The following PIK3CD variants were observed in gnomAD, a reference collection of about 807,000 sequenced individuals.
The protein encoded by PIK3CD is phosphatidylinositol 4,5-bisphosphate 3-kinase catalytic subunit delta isoform.
PIK3CD carries 20 observed loss-of-function variants against 122.9 expected under a neutral mutation model. The observed-to-expected ratio is 0.16, with a 90% CI of 0.11 to 0.24. PIK3CD has a LOEUF of 0.24. PIK3CD is among the 10% of genes least tolerant of loss of function. The probability of loss-of-function intolerance (pLI) is 1.00; values close to 1 mark genes in which losing one functional copy is unlikely to be tolerated. For missense variants in PIK3CD, 787 were observed against 1,406.3 expected, an observed-to-expected ratio of 0.56 and a Z score of 7.04; for synonymous variants, 596 against 593.4, an observed-to-expected ratio of 1.00 and a Z score of -0.06.
At chr1:9,648,676 A>T (rs1350477360), upstream of PIK3CD, among the ~76,000 whole-genome samples, 2 of 137,434 alleles carry the variant, frequency 1.5e-5, no homozygotes, top group Non-Finnish European at 1.5e-5. Flanking sequence ...CAGACACTCC[A>T]CTAGAAAGGA....
At chr1:9,716,209 G>T in intron 5 of PIK3CD, 131 bp downstream of exon 5, 1 of 902,878 alleles carries the variant, frequency 1.1e-6, no homozygotes. Flanking sequence ...AGGTGTCTGT[G>T]CATGTGTGGG....
At chr1:9,638,078 G>A in the PIK3CD span, among the ~76,000 whole-genome samples, 3 of 152,140 alleles carry the variant, frequency 2.0e-5, no homozygotes, top group South Asian at 6.2e-4. Flanking sequence ...TTGTACTCCA[G>A]CCTGGGCAAC....
chr1:9,666,647 A>G (rs12039250), intron 1 of PIK3CD, among the ~76,000 whole-genome samples: 52,424 of 151,858 alleles, frequency 0.35, 14,013 homozygotes, highest in African/African-American at 0.7. Flanking sequence ...TTCGAGACCA[A>G]CCTGGGCAAC....
rs1375798266 is a variant in PIK3CD at position 9,719,644 on chromosome 1, G to A, written c.1243-277G>A. On this transcript the variant is annotated intron_variant, in intron 9 of 23. Coordinates refer to ENST00000377346, the MANE Select transcript of PIK3CD (RefSeq NM_005026.5). The surrounding 1 kb of genome is among the most constrained non-coding windows in gnomAD (Gnocchi z 5.5). ...CCACTGCACTCCAGCCTGGGTGACA[G>A]AGCAAGACTCCGTCTCAAAAAAAAA... 6.7e-6 allele frequency among the ~76,000 whole-genome samples: 1 copy of A among 148,562 alleles called. No individual in the cohort carries two copies.
At chr1:9,714,049 A>C (rs1458582843) in intron 3 of PIK3CD, among the ~76,000 whole-genome samples, 2 of 151,814 alleles carry the variant, frequency 1.3e-5, no homozygotes, top group African/African-American at 4.8e-5. Context: ...ATGGAGTCTT[A>C]TTATGTTGCC....
chr1:9,645,025 C>CTTTT, the PIK3CD span, among the ~76,000 whole-genome samples: 8 of 81,802 alleles, frequency 9.8e-5, no homozygotes, highest in Non-Finnish European at 1.5e-4. Flanking sequence ...CTTTTCTTTT[C>CTTTT]TTTTTTTTTT....
intron 1 of PIK3CD, among the ~76,000 whole-genome samples, chr1:9,682,083 T>C (rs532239579): frequency 2.5e-4 from 38 of 151,760 alleles, no homozygotes; most frequent in African/African-American, 9.2e-4. Context: ...CCACCACGCC[T>C]GGCTAATTTT....
the PIK3CD span, among the ~76,000 whole-genome samples, chr1:9,644,066 C>T: frequency 6.6e-6 from 1 of 152,218 alleles, no homozygotes; most frequent in Admixed American, 6.5e-5. Context: ...CTGTGATAAC[C>T]CTTCTTATGG....
At chr1:9,708,673 C>A (rs1646937127) in intron 2 of PIK3CD, among the ~76,000 whole-genome samples, 1 of 151,718 alleles carries the variant, frequency 6.6e-6, no homozygotes, top group Non-Finnish European at 1.5e-5. Context: ...CATGGTGAAA[C>A]CCCCATCTCT....
In PIK3CD at chr1:9,723,442, TG is replaced by T; in HGVS notation, c.2594+154del. On this transcript the variant is annotated intron_variant, in intron 20 of 23. Transcript: ENST00000377346. This position sits in a 1 kb window ranked among gnomAD's most constrained non-coding sequence, Gnocchi z 4.9. The stretch of plus-strand genomic sequence containing the variant: ...GTTGAGGACCAGCCTGTGTCTGGGT[TG>T]GGGTGAGGTAGGTCTCTCTTCCCCA... The T allele has an allele frequency of 1.2e-6, 1 of 804,976 alleles. No individual in the cohort carries two copies. The highest frequency in any genetic ancestry group is 2.2e-6 in the Non-Finnish European group (1 of 464,710). 49.9% of individuals were successfully genotyped at this position (804,976 alleles called of 1,614,324 possible).
At chr1:9,673,187 C>G (rs893792764) in intron 1 of PIK3CD, among the ~76,000 whole-genome samples, 1 of 151,708 alleles carries the variant, frequency 6.6e-6, no homozygotes, top group African/African-American at 2.4e-5. Context: ...CAGCCTTGAC[C>G]TCCTGGGCTT....
chr1:9,726,057 C>CA (rs1348620086), intron 23 of PIK3CD, among the ~76,000 whole-genome samples: 1 of 149,632 alleles, frequency 6.7e-6, no homozygotes, highest in Non-Finnish European at 1.5e-5. Context: ...ACTTAAAATA[C>CA]AAAAAATCAG....
At chr1:9,702,552 C>CTTTTTTTT (rs1557643688) in intron 2 of PIK3CD, among the ~76,000 whole-genome samples, 1 of 57,456 alleles carries the variant, frequency 1.7e-5, no homozygotes, top group African/African-American at 5.7e-5. Flanking sequence ...CAGAGTTTTG[C>CTTTTTTTT]TCTTGCTGCC....
the PIK3CD span, among the ~76,000 whole-genome samples, chr1:9,639,187 T>A: frequency 6.6e-6 from 1 of 152,286 alleles, no homozygotes; most frequent in South Asian, 2.1e-4. Flanking sequence ...TTCATCCTTG[T>A]CTTTCTGTCC....
Position 9,727,224 on chromosome 1 carries a change from A to C in PIK3CD, c.*178A>C, listed in dbSNP as rs1649795604. 1 of 753,706 alleles carries C rather than the reference A, an allele frequency of 1.3e-6. No individual in the cohort carries two copies. The highest frequency in any genetic ancestry group is 2.2e-6 in the Non-Finnish European group (1 of 457,532). The allele number at this position is 753,706 out of a possible 1,614,324, so 46.7% of individuals were successfully genotyped here. On this transcript the variant is annotated 3_prime_UTR_variant, in exon 24 of 24. Coordinates refer to ENST00000377346, the MANE Select transcript of PIK3CD (RefSeq NM_005026.5). The stretch of plus-strand genomic sequence containing the variant: ...CTTGAAATAGTTTAAGGAGCTAAAC[A>C]GCCATAAACGGAAACGCCTCCTTCA...
chr1:9,672,147 G>A (rs770966791), intron 1 of PIK3CD, among the ~76,000 whole-genome samples: 3 of 152,108 alleles, frequency 2.0e-5, no homozygotes, highest in Admixed American at 6.6e-5. Flanking sequence ...ACCTGCAGCC[G>A]CCCACCCCAA....
Position 9,727,656 on chromosome 1 carries a change from C to T in PIK3CD, c.*610C>T, listed in dbSNP as rs544450529. On this transcript the variant is annotated 3_prime_UTR_variant, in exon 24 of 24. Coordinates refer to ENST00000377346, the MANE Select transcript of PIK3CD (RefSeq NM_005026.5). ...TAATAGATGACTCACCACACCTCTA[C>T]GGCTGGGGAGATCAGGCCCAGCCCC... 8 of 217,288 alleles carry T rather than the reference C, an allele frequency of 3.7e-5. No homozygotes were observed. Among genetic ancestry groups the T allele is most frequent in the African/African-American group, 9.1e-5 (4 of 43,938 alleles). 13.5% of individuals were successfully genotyped at this position (217,288 alleles called of 1,614,324 possible).
chr1:9,631,361 G>A, the PIK3CD span, among the ~76,000 whole-genome samples: 2 of 152,192 alleles, frequency 1.3e-5, no homozygotes, highest in Non-Finnish European at 2.9e-5. Flanking sequence ...ATTACCAAAA[G>A]GGGGTCAGAC....
At position 9,674,688 on chromosome 1, in the gene PIK3CD, G is replaced by A. The variant is rs1200718230; in HGVS notation, c.-137-16779G>A. On this transcript the variant is annotated intron_variant, in intron 1 of 23. Coordinates refer to ENST00000377346, the MANE Select transcript of PIK3CD (RefSeq NM_005026.5). ...AGCCTGGGCGACAGAGCGAGACTCCGTCTCAAAAAAAAAAAAAAAAAAGAA... is the reference window on the plus strand; with the variant it reads ...AGCCTGGGCGACAGAGCGAGACTCCATCTCAAAAAAAAAAAAAAAAAAGAA... Among the ~76,000 whole-genome samples, 35 of 120,184 alleles carry A rather than the reference G, an allele frequency of 2.9e-4. 1 individual carries two copies. The Admixed American group carries it at 3.3e-3, about 11-fold the overall frequency. 78.8% of individuals were successfully genotyped at this position (120,184 alleles called of 152,430 possible).
Sources: allele counts gnomAD v4.1 joint callset (sites outside exome capture counted in the v4.1 genomes callset), GRCh38; gene constraint gnomAD v4.1.1; non-coding constraint Gnocchi (gnomAD v3.1); transcripts MANE v1.5; gene names NCBI Gene and HGNC (gene_info 2026-07-23, HGNC 2026-07-21).